NTM: variants seen among roughly 807,000 people sequenced by gnomAD.
NTM encodes neurotrimin, also known as IgLON family member 2.
NTM carries 13 observed loss-of-function variants against 42.1 expected under a neutral mutation model. That is an observed-to-expected ratio of 0.31 (90% CI 0.20 to 0.49). The LOEUF is 0.49. Among genes scored for constraint, NTM ranks in the 20% least tolerant of loss-of-function variants. NTM has a pLI of 0.99. For synonymous variants in NTM, 187 were observed against 179.2 expected, an observed-to-expected ratio of 1.04 and a Z score of -0.35; for missense variants, 373 against 452.8, an observed-to-expected ratio of 0.82 and a Z score of 1.60.
At chr11:131,534,568 T>C (rs2051842959) in intron 1 of NTM, 1 of 152,208 alleles carries the variant, frequency 6.6e-6, no homozygotes, top group South Asian at 2.1e-4. Flanking sequence ...TTCAAAAATG[T>C]TTAGTCCTTT....
intron 1 of NTM, among the ~76,000 whole-genome samples, chr11:131,455,697 A>T (rs1041850886): frequency 6.6e-6 from 1 of 152,204 alleles, no homozygotes; most frequent in African/African-American, 2.4e-5. Context: ...ATGTGATCCA[A>T]CAGGTCTAAG....
intron 3 of NTM, among the ~76,000 whole-genome samples, chr11:132,200,152 G>T (rs1198256413): frequency 2.6e-5 from 4 of 152,088 alleles, no homozygotes; most frequent in African/African-American, 9.7e-5. Context: ...CTTTATGAGG[G>T]ATTTAGTGGC....
At chr11:131,519,008 A>G (rs1438915402) in intron 1 of NTM, among the ~76,000 whole-genome samples, 2 of 152,246 alleles carry the variant, frequency 1.3e-5, no homozygotes, top group African/African-American at 4.8e-5. Context: ...TAAACAAACT[A>G]TAATGCCTTT....
chr11:132,035,653 T>G (rs1218545998), intron 2 of NTM, among the ~76,000 whole-genome samples: 1 of 150,488 alleles, frequency 6.6e-6, no homozygotes, highest in Non-Finnish European at 1.5e-5. Context: ...GTGGGAGGGG[T>G]GTGTGTGTGT....
At chr11:131,551,281 G>A (rs1251036295) in intron 1 of NTM, among the ~76,000 whole-genome samples, 1 of 152,198 alleles carries the variant, frequency 6.6e-6, no homozygotes, top group East Asian at 1.9e-4. Context: ...ACTTTAGAAA[G>A]AAGATAATAG....
intron 1 of NTM, among the ~76,000 whole-genome samples, chr11:131,868,055 G>T (rs1258871287): frequency 6.6e-6 from 1 of 152,148 alleles, no homozygotes; most frequent in Non-Finnish European, 1.5e-5. Flanking sequence ...TGATTGAATT[G>T]CAGGTGGAAA....
intron 3 of NTM, among the ~76,000 whole-genome samples, chr11:132,174,978 A>G (rs542183179): frequency 1.3e-5 from 2 of 152,226 alleles, no homozygotes; most frequent in Non-Finnish European, 2.9e-5. Flanking sequence ...TTTATCTGGC[A>G]TGGCTGTTCT....
chr11:131,903,950 G>GT (rs2053518188), intron 1 of NTM, among the ~76,000 whole-genome samples: 1 of 150,898 alleles, frequency 6.6e-6, no homozygotes, highest in Admixed American at 6.6e-5. Context: ...ATTTTTTTTT[G>GT]TTTTTTGACA....
At chr11:132,076,150 A>G (rs2058334240) in intron 2 of NTM, among the ~76,000 whole-genome samples, 1 of 152,126 alleles carries the variant, frequency 6.6e-6, no homozygotes, top group African/African-American at 2.4e-5. Context: ...CTTGCCAAAT[A>G]CTTCTTTTTT....
chr11:131,827,277 G>C (rs2042250287), intron 1 of NTM, among the ~76,000 whole-genome samples: 4 of 152,314 alleles, frequency 2.6e-5, no homozygotes, highest in African/African-American at 9.6e-5. Context: ...TACATATACA[G>C]ATACTTTGAG....
chr11:131,806,335 T>A (rs1175308760), intron 1 of NTM, among the ~76,000 whole-genome samples: 3 of 152,132 alleles, frequency 2.0e-5, no homozygotes, highest in Admixed American at 2.0e-4. Flanking sequence ...TGGACTTCAG[T>A]TTTTCTTTTG....
chr11:131,952,155 C>T (rs547426235), intron 2 of NTM, among the ~76,000 whole-genome samples: 10 of 152,186 alleles, frequency 6.6e-5, no homozygotes, highest in African/African-American at 2.4e-4. Context: ...TGTCCCTATC[C>T]TCATAAAACA....
At chr11:131,686,418 TAGTA>T (rs940751819) in intron 1 of NTM, among the ~76,000 whole-genome samples, 7 of 151,916 alleles carry the variant, frequency 4.6e-5, no homozygotes, top group Non-Finnish European at 1.0e-4. Context: ...ATTAAGAAAA[TAGTA>T]AGGAAGGGAA....
chr11:131,585,006 G>A (rs944776841), intron 1 of NTM, among the ~76,000 whole-genome samples: 1 of 151,368 alleles, frequency 6.6e-6, no homozygotes, highest in African/African-American at 2.4e-5. Context: ...GGTGCAGTGG[G>A]GGGGAAGCTG....
chr11:132,312,962 C>T (rs1188470960), intron 6 of NTM, among the ~76,000 whole-genome samples: 4 of 152,150 alleles, frequency 2.6e-5, no homozygotes, highest in Non-Finnish European at 5.9e-5. Flanking sequence ...GGAAGGCTCC[C>T]AGAGGAACAT....
intron 6 of NTM, among the ~76,000 whole-genome samples, chr11:132,311,278 C>T (rs1054077725): frequency 6.6e-5 from 10 of 152,128 alleles, no homozygotes; most frequent in African/African-American, 9.7e-5. Flanking sequence ...TTTAGAACCA[C>T]GTCAATCAGT....
chr11:131,626,432 C>A lies in NTM; in HGVS notation c.82+255544C>A, dbSNP rs193252118. On this transcript the variant is annotated intron_variant, in intron 1 of 8. Transcript: ENST00000683400. ...TTTTGTCCCTAAGATGAGTGAGGAC[C>A]TGTGTGAAATACATAGTAGTTGCTG... Among the ~76,000 whole-genome samples, 641 of 152,262 alleles carry A rather than the reference C, an allele frequency of 4.2e-3. 3 individuals are homozygous for A. Among genetic ancestry groups the A allele is most frequent in the African/African-American group, 0.015 (604 of 41,544 alleles).
intron 3 of NTM, among the ~76,000 whole-genome samples, chr11:132,188,558 G>A (rs947995097): frequency 1.3e-5 from 2 of 152,098 alleles, no homozygotes; most frequent in Non-Finnish European, 1.5e-5. Flanking sequence ...TCTTCTGGGG[G>A]TTAGCTTATT....
At chr11:131,484,414 T>C (rs1268074507) in intron 1 of NTM, among the ~76,000 whole-genome samples, 1 of 152,170 alleles carries the variant, frequency 6.6e-6, no homozygotes, top group East Asian at 1.9e-4. Flanking sequence ...GGCAAAATGG[T>C]CCTTCCTTTG....
Sources: gnomAD v4.1 joint callset for allele counts (sites outside exome capture counted in the v4.1 genomes callset) on GRCh38, gnomAD v4.1.1 for gene constraint, MANE v1.5 for transcripts, NCBI Gene and HGNC (gene_info 2026-07-23, HGNC 2026-07-21) for gene names.